DDAH1: variants seen among roughly 807,000 people sequenced by gnomAD.
DDAH1 encodes the protein dimethylarginine dimethylaminohydrolase 1.
A neutral mutation model predicts 28.8 loss-of-function variants in DDAH1; 19 were observed. The ratio of observed to expected loss-of-function variants is 0.66; its 90% CI spans 0.46 to 0.97. The LOEUF is 0.97. Ranked by LOEUF, DDAH1 falls within the 50% of genes least tolerant of loss-of-function variation. The pLI is 0.00. For missense variants in DDAH1, 326 were observed against 375.9 expected (o/e 0.87, Z 1.10); for synonymous variants, 153 against 154.4 (o/e 0.99, Z 0.07).
intron 1 of DDAH1, among the ~76,000 whole-genome samples, chr1:85,558,553 T>C (rs1659048496): frequency 6.6e-6 from 1 of 152,210 alleles, no homozygotes; most frequent in Non-Finnish European, 1.5e-5. Context: ...ACTCCAGTTC[T>C]AGTTTGTGAT....
At position 85,358,799 on chromosome 1, in the gene DDAH1, C is replaced by T. The variant is rs1649628008; in HGVS notation, c.352G>A (p.Glu118Lys). 5 of 1,613,156 alleles carry T rather than the reference C, an allele frequency of 3.1e-6. No homozygotes were observed. Among genetic ancestry groups the T allele is most frequent in the Non-Finnish European group, 4.2e-6 (5 of 1,179,578 alleles). The change falls in exon 2 of 6, where the codon GAG becomes AAG. Residue 118 changes from glutamate (E) to lysine (K), a missense_variant. Physicochemically the swap from Glu to Lys is moderately conservative, Grantham distance 56. Coordinates refer to ENST00000284031, the MANE Select transcript of DDAH1 (RefSeq NM_012137.4). The stretch of plus-strand genomic sequence containing the variant: ...AAAGTTGCATTTTCATCTTTCATCT[C>T]TACTATATTGAGCTGAAGTTTTTCT... ...ALEKLQLNIV[E>K]MKDENATLDG...
chr1:85,418,064 G>A (rs1652963663), intron 1 of DDAH1, among the ~76,000 whole-genome samples: 1 of 152,180 alleles, frequency 6.6e-6, no homozygotes, highest in South Asian at 2.1e-4. Flanking sequence ...AATCTACAGA[G>A]CTCTTTGAAA....
chr1:85,331,432 T>C (rs60801164), intron 4 of DDAH1, among the ~76,000 whole-genome samples: 2,610 of 151,340 alleles, frequency 0.017, 70 homozygotes, highest in East Asian at 0.12. Context: ...TGTATATATA[T>C]ATATATAACA....
chr1:85,493,882 A>G (rs1171608563), intron 2 of DDAH1: 4 of 152,234 alleles, frequency 2.6e-5, no homozygotes, highest in Non-Finnish European at 5.9e-5. Context: ...ATTTTATAAG[A>G]AAGGTTTATT....
At chr1:85,555,744 C>T (rs1658942765) in intron 1 of DDAH1, among the ~76,000 whole-genome samples, 1 of 152,048 alleles carries the variant, frequency 6.6e-6, no homozygotes, top group Admixed American at 6.5e-5. Flanking sequence ...AGGAAGATGA[C>T]AAAAAGTCAA....
chr1:85,543,830 C>T (rs998091653), intron 1 of DDAH1, among the ~76,000 whole-genome samples: 2 of 152,028 alleles, frequency 1.3e-5, no homozygotes, highest in African/African-American at 4.8e-5. Flanking sequence ...TGGAAAACAG[C>T]GGGCAAGCCA....
intron 1 of DDAH1, among the ~76,000 whole-genome samples, chr1:85,505,942 C>G (rs1657002787): frequency 6.6e-6 from 1 of 152,136 alleles, no homozygotes; most frequent in South Asian, 2.1e-4. Context: ...CCTTTAACAG[C>G]CTGCAACTTA....
At chr1:85,395,703 T>C (rs1651779331) in intron 1 of DDAH1, among the ~76,000 whole-genome samples, 1 of 150,376 alleles carries the variant, frequency 6.6e-6, no homozygotes. Context: ...GAAAAAGAAG[T>C]GAAGGTTTGA....
intron 1 of DDAH1, among the ~76,000 whole-genome samples, chr1:85,435,900 C>T (rs1364654836): frequency 3.3e-5 from 5 of 152,070 alleles, no homozygotes; most frequent in Non-Finnish European, 7.4e-5. Flanking sequence ...AAGCAATTCT[C>T]GTGCCTCAGC....
chr1:85,426,061 G>C (rs1337911890), intron 1 of DDAH1, among the ~76,000 whole-genome samples: 1 of 152,134 alleles, frequency 6.6e-6, no homozygotes, highest in Non-Finnish European at 1.5e-5. Flanking sequence ...TAGGATTGTT[G>C]CAAGAATTAA....
At chr1:85,460,443 ATAAT>A (rs1655076435) in intron 1 of DDAH1, among the ~76,000 whole-genome samples, 1 of 152,250 alleles carries the variant, frequency 6.6e-6, no homozygotes, top group African/African-American at 2.4e-5. Context: ...CAAGGAAACA[ATAAT>A]TAAAGCTATT....
At chr1:85,488,666 C>T (rs1278653169) in intron 2 of DDAH1, among the ~76,000 whole-genome samples, 1 of 152,092 alleles carries the variant, frequency 6.6e-6, no homozygotes, top group Non-Finnish European at 1.5e-5. Flanking sequence ...ACTACTGTGG[C>T]ATCAAATACC....
chr1:85,441,615 C>G (rs1654200840), intron 1 of DDAH1, among the ~76,000 whole-genome samples: 1 of 152,094 alleles, frequency 6.6e-6, no homozygotes, highest in Non-Finnish European at 1.5e-5. Context: ...TTACCCCTCT[C>G]AGATCACTCA....
At position 85,321,432 on chromosome 1, in the gene DDAH1, A is replaced by AC. The variant is rs1172711726; in HGVS notation, c.*19dup. 2.4e-5 allele frequency: 38 copies of AC among 1,558,188 alleles called. No individual in the cohort carries two copies. The highest frequency in any genetic ancestry group is 3.3e-5 in the Non-Finnish European group (37 of 1,129,494). ...CCTTGCCTGTGCGGTCTTGCCGGCT[A>AC]CCGGGGGGGACTCTGCAGCTCAGGA... is the stretch of plus-strand genomic sequence containing the variant. On this transcript the variant is annotated 3_prime_UTR_variant, in exon 6 of 6. Transcript: ENST00000284031.
chr1:85,389,770 A>G (rs1483390924), intron 1 of DDAH1, among the ~76,000 whole-genome samples: 2 of 152,210 alleles, frequency 1.3e-5, no homozygotes, highest in Admixed American at 1.3e-4. Flanking sequence ...AGGGGAACTC[A>G]TGTTCTAGTT....
chr1:85,541,966 G>A (rs1445776395), intron 1 of DDAH1, among the ~76,000 whole-genome samples: 1 of 152,180 alleles, frequency 6.6e-6, no homozygotes, highest in Non-Finnish European at 1.5e-5. Context: ...ATAGCACTCA[G>A]TCTATGATAT....
At chr1:85,348,345 T>C (rs1557500128) in intron 4 of DDAH1, among the ~76,000 whole-genome samples, 1 of 152,184 alleles carries the variant, frequency 6.6e-6, no homozygotes, top group Non-Finnish European at 1.5e-5. Context: ...AGGGTCTTCC[T>C]TTTCCAATGT....
chr1:85,422,085 G>GTT (rs58821561), intron 1 of DDAH1, among the ~76,000 whole-genome samples: 109 of 151,960 alleles, frequency 7.2e-4, no homozygotes, highest in African/African-American at 2.5e-3. Context: ...GATATTGTCA[G>GTT]TTTTTTAAAA....
intron 1 of DDAH1, chr1:85,404,455 T>C: frequency 6.5e-7 from 1 of 1,530,922 alleles, no homozygotes. Context: ...TTTCAACAGA[T>C]TCCCTGTTTT....
Sources: gnomAD v4.1 joint callset for allele counts (sites outside exome capture counted in the v4.1 genomes callset) on GRCh38, gnomAD v4.1.1 for gene constraint, MANE v1.5 for transcripts, NCBI Gene and HGNC (gene_info 2026-07-23, HGNC 2026-07-21) for gene names.